Variants in PCDHGB3 observed in about 807,000 individuals in gnomAD.
PCDHGB3 encodes protocadherin gamma-B3.
Under a neutral mutation model 59.2 loss-of-function variants are expected in PCDHGB3, and 40 were observed. The observed-to-expected ratio is 0.68, with a 90% CI of 0.52 to 0.88. The LOEUF (loss-of-function observed/expected upper bound fraction) is 0.88, where lower values mean the gene tolerates loss of function less well. PCDHGB3 is among the 40% of genes least tolerant of loss of function. The probability of loss-of-function intolerance (pLI) is 0.00; values close to 1 mark genes in which losing one functional copy is unlikely to be tolerated. For missense variants in PCDHGB3, 1,309 were observed against 1,187.9 expected, an observed-to-expected ratio of 1.10 and a Z score of -1.50; for synonymous variants, 581 against 503.6, an observed-to-expected ratio of 1.15 and a Z score of -2.06.
intron 3 of PCDHGB3, among the ~76,000 whole-genome samples, chr5:141,509,336 GC>G (rs2099876304): frequency 6.6e-6 from 1 of 152,178 alleles, no homozygotes; most frequent in Non-Finnish European, 1.5e-5. Context: ...TGCCAGCTGG[GC>G]CTGGGCTGGC....
intron 1 of PCDHGB3, chr5:141,441,621 G>C (rs2098260273): frequency 9.0e-6 from 2 of 223,292 alleles, no homozygotes; most frequent in Non-Finnish European, 1.8e-5. Flanking sequence ...CGTGGCCAGT[G>C]ACCTGGAGCC....
At chr5:141,393,000 G>C (rs772046833) in intron 1 of PCDHGB3, 5 of 1,613,856 alleles carry the variant, frequency 3.1e-6, no homozygotes, top group African/African-American at 1.3e-5. Context: ...GGCGAAGCAC[G>C]GAGTCCGTAT....
At chr5:141,450,599 G>T (rs569531886) in intron 1 of PCDHGB3, among the ~76,000 whole-genome samples, 11 of 150,286 alleles carry the variant, frequency 7.3e-5, no homozygotes, top group African/African-American at 2.7e-4. Flanking sequence ...CAATTCTCCT[G>T]CCTCAGCCTC....
chr5:141,393,683 G>T lies in PCDHGB3; in HGVS notation c.2415+20874G>T, dbSNP rs370409157. ...GGAAAATTAATGAAAAACAAACTCC[G>T]TTATTCCAGCTTAATGAAAATACTG... On this transcript the variant is annotated intron_variant, in intron 1 of 3. Transcript: ENST00000576222. The T allele has an allele frequency of 2.1e-5, 34 of 1,613,732 alleles. 1 individual carries two copies. The South Asian group carries it at 3.7e-4, about 18-fold the overall frequency.
At position 141,476,744 on chromosome 5, in the gene PCDHGB3, CT is replaced by C; in HGVS notation, c.2416-18062del. ...CCTGGACCGAGAACGGGAGCCTAGT[CT>C]CCAGTTAGTGCTGACGGCGTTGGAC... is the stretch of plus-strand genomic sequence containing the variant. On this transcript the variant is annotated intron_variant, in intron 1 of 3. Coordinates refer to ENST00000576222, the MANE Select transcript of PCDHGB3 (RefSeq NM_018924.5). The surrounding 1 kb of genome is among the most constrained non-coding windows in gnomAD (Gnocchi z 7.6). 6.2e-7 allele frequency: 1 copy of C among 1,614,046 alleles called. No homozygotes were observed. Among genetic ancestry groups the C allele is most frequent in the East Asian group, 2.2e-5 (1 of 44,884 alleles).
chr5:141,392,688 C>T (rs1009459106), intron 1 of PCDHGB3: 2 of 1,113,934 alleles, frequency 1.8e-6, no homozygotes, highest in Non-Finnish European at 2.5e-6. Flanking sequence ...GCAGCGAAAC[C>T]CGACCCCTGT....
chr5:141,476,483 G>A lies in PCDHGB3; in HGVS notation c.2416-18324G>A. On this transcript the variant is annotated intron_variant, in intron 1 of 3. Coordinates refer to ENST00000576222, the MANE Select transcript of PCDHGB3 (RefSeq NM_018924.5). The surrounding 1 kb of genome is among the most constrained non-coding windows in gnomAD (Gnocchi z 7.6). The stretch of plus-strand genomic sequence containing the variant: ...CCCGCTGGAGCTGTTCAGCGTGGAA[G>A]TGGTGATCCAGGACATCAACGACAA... The A allele has an allele frequency of 3.1e-6, 5 of 1,614,166 alleles. No individual in the cohort carries two copies. Among genetic ancestry groups the A allele is most frequent in the Non-Finnish European group, 4.2e-6 (5 of 1,180,034 alleles).
intron 1 of PCDHGB3, among the ~76,000 whole-genome samples, chr5:141,438,139 T>C (rs2097931816): frequency 6.6e-6 from 1 of 152,152 alleles, no homozygotes. Context: ...TGGCAAAAGA[T>C]AGCCAGCCTA....
At position 141,493,887 on chromosome 5, in the gene PCDHGB3, G is replaced by C. The variant is rs760575047; in HGVS notation, c.2416-920G>C. On this transcript the variant is annotated intron_variant, in intron 1 of 3. Transcript: ENST00000576222. This position sits in a 1 kb window ranked among gnomAD's most constrained non-coding sequence, Gnocchi z 4.3. Reference sequence around the variant, plus strand: ...AGAACCAGTGAGGAGGTGGCTCTAGGAGTGCTCCATGAGAGTGTGTGATGG... The same window carrying C: ...AGAACCAGTGAGGAGGTGGCTCTAGCAGTGCTCCATGAGAGTGTGTGATGG... Among the ~76,000 whole-genome samples, 11 of 152,184 alleles carry C rather than the reference G, an allele frequency of 7.2e-5. No homozygotes were observed. Among genetic ancestry groups the C allele is most frequent in the Non-Finnish European group, 1.2e-4 (8 of 68,026 alleles).
intron 1 of PCDHGB3, among the ~76,000 whole-genome samples, chr5:141,386,454 C>T (rs1377987276): frequency 6.6e-6 from 1 of 152,064 alleles, no homozygotes; most frequent in South Asian, 2.1e-4. Flanking sequence ...GGCAAGAGGA[C>T]AGCTTGAACC....
In PCDHGB3 at chr5:141,476,012, T is replaced by C. The variant is rs2099383969; in HGVS notation, c.2416-18795T>C. The stretch of plus-strand genomic sequence containing the variant: ...CAAATCAACGGCATCCAGAAAGCCA[T>C]GTCGGACTCGGCGCCCAGCGCCCAA... On this transcript the variant is annotated intron_variant, in intron 1 of 3. Coordinates refer to ENST00000576222, the MANE Select transcript of PCDHGB3 (RefSeq NM_018924.5). This position sits in a 1 kb window ranked among gnomAD's most constrained non-coding sequence, Gnocchi z 7.6. 7.6e-7 allele frequency: 1 copy of C among 1,317,178 alleles called. No individual in the cohort carries two copies. The highest frequency in any genetic ancestry group is 1.4e-5 in the South Asian group (1 of 69,696). The allele number at this position is 1,317,178 out of a possible 1,614,324, so 81.6% of individuals were successfully genotyped here. A position where few individuals can be genotyped will look rare whatever the true frequency, so the allele number is the denominator to read the frequency against.
chr5:141,404,210 A>G (rs927879028), intron 1 of PCDHGB3: 11 of 1,613,840 alleles, frequency 6.8e-6, no homozygotes, highest in Non-Finnish European at 9.3e-6. Context: ...AGAATATAAT[A>G]TCACGGTGAC....
rs1175280816 is a variant in PCDHGB3 at position 141,511,121 on chromosome 5, C to T, written c.2738C>T (p.Pro913Leu). 2 of 1,614,102 alleles carry T rather than the reference C, an allele frequency of 1.2e-6. No homozygotes were observed. Among genetic ancestry groups the T allele is most frequent in the African/African-American group, 1.3e-5 (1 of 74,938 alleles). Residue 913 changes from proline (P) to leucine (L), a missense_variant, in exon 4 of 4, where the codon CCA becomes CTA. Transcript: ENST00000576222. ...GCTGGCAAGCGGGATGGCAAGGCCCCAGCAGGTGGCAATGGCAACAAGAAG... is the reference window on the plus strand; with the variant it reads ...GCTGGCAAGCGGGATGGCAAGGCCCTAGCAGGTGGCAATGGCAACAAGAAG... ...NAAGKRDGKA[P>L]AGGNGNKKKS...
chr5:141,408,661 G>A (rs1462103250), intron 1 of PCDHGB3: 1 of 1,613,770 alleles, frequency 6.2e-7, no homozygotes, highest in Non-Finnish European at 8.5e-7. Context: ...CACGACTATC[G>A]CTTGACCCTG....
chr5:141,396,326 A>T (rs1198474229), intron 1 of PCDHGB3: 3 of 152,326 alleles, frequency 2.0e-5, no homozygotes, highest in Admixed American at 1.3e-4. Context: ...TCTCTAAAAA[A>T]ACTATTATTA....
In PCDHGB3 at chr5:141,371,527, T is replaced by G; in HGVS notation, c.1133T>G (p.Phe378Cys). Residue 378 changes from phenylalanine to cysteine, a missense_variant, in exon 1 of 4, where the codon TTT becomes TGT. Physicochemically the swap from Phe to Cys is radical, Grantham distance 205. Transcript: ENST00000576222. Reference protein sequence around the residue: ...LIKTHDLDSGFNGEILCQLKG... With the variant: ...LIKTHDLDSGCNGEILCQLKG... Reference sequence around the variant, plus strand: ...AAAACACATGATCTAGATTCTGGATTTAATGGAGAAATCCTATGCCAACTA... The same window carrying G: ...AAAACACATGATCTAGATTCTGGATGTAATGGAGAAATCCTATGCCAACTA... The G allele has an allele frequency of 2.5e-6, 4 of 1,613,816 alleles. No individual in the cohort carries two copies. Among genetic ancestry groups the G allele is most frequent in the Non-Finnish European group, 3.4e-6 (4 of 1,179,780 alleles).
Position 141,421,478 on chromosome 5 carries a change from G to A in PCDHGB3, c.2415+48669G>A, listed in dbSNP as rs763769838. The A allele has an allele frequency of 2.5e-6, 4 of 1,614,012 alleles. No individual in the cohort carries two copies. In the African/African-American group the frequency reaches 4.0e-5, roughly 16 times the overall value. On this transcript the variant is annotated intron_variant, in intron 1 of 3. Coordinates refer to ENST00000576222, the MANE Select transcript of PCDHGB3 (RefSeq NM_018924.5). ...TTCGCTGTGAATCCGCGAAGCGGCA[G>A]CTTGATCACGGCAGGCAGGATAGAC... is the stretch of plus-strand genomic sequence containing the variant.
At chr5:141,439,496 G>A (rs1166315364) in intron 1 of PCDHGB3, among the ~76,000 whole-genome samples, 2 of 152,152 alleles carry the variant, frequency 1.3e-5, no homozygotes, top group Non-Finnish European at 2.9e-5. Context: ...AGTGAGAAAC[G>A]TCTTTCTCTC....
chr5:141,370,865 G>A lies in PCDHGB3; in HGVS notation c.471G>A (p.Ala157=), dbSNP rs749306291. The A allele has an allele frequency of 1.2e-5, 19 of 1,613,886 alleles. 1 individual carries two copies. The South Asian group carries it at 1.9e-4, about 16-fold the overall frequency. ...GAGCCACATTTGCCCTGGAATCTGC[G>A]CAAGATCCTGATGTAGGTGTCAATT... ...LTGATFALES[A]QDPDVGVNSL... The change falls in exon 1 of 4, where the codon GCG becomes GCA. Residue 157 remains alanine, a synonymous_variant. Transcript: ENST00000576222.
Sources: allele counts gnomAD v4.1 joint callset (sites outside exome capture counted in the v4.1 genomes callset), GRCh38; gene constraint gnomAD v4.1.1; non-coding constraint Gnocchi (gnomAD v3.1); transcripts MANE v1.5; gene names NCBI Gene and HGNC (gene_info 2026-07-23, HGNC 2026-07-21).